DNAH11: variants seen among roughly 807,000 people sequenced by gnomAD.
DNAH11 encodes dynein axonemal heavy chain 11, also known as axonemal beta dynein heavy chain 11.
In DNAH11, 442 loss-of-function variants were observed where a neutral mutation model predicts 526.0. The observed-to-expected ratio is 0.84, with a 90% CI of 0.78 to 0.91. The LOEUF is 0.91. Among genes scored for constraint, DNAH11 ranks in the 40% least tolerant of loss-of-function variants. DNAH11 has a pLI of 0.00. For missense variants in DNAH11, 6,989 were observed against 5,448.7 expected (o/e 1.28, Z -8.90); for synonymous variants, 2,461 against 1,935.9 (o/e 1.27, Z -7.12).
Position 21,868,012 on chromosome 7 carries a change from G to T in DNAH11, c.11839+5G>T. The T allele has an allele frequency of 6.6e-7, 1 of 1,515,970 alleles. No individual in the cohort carries two copies. Among genetic ancestry groups the T allele is most frequent in the Non-Finnish European group, 8.9e-7 (1 of 1,126,930 alleles). 93.9% of individuals were successfully genotyped at this position (1,515,970 alleles called of 1,614,324 possible). A position where few individuals can be genotyped will look rare whatever the true frequency, so the allele number is the denominator to read the frequency against. ...TTAAAGACCTGGAGATTCTTGGTGAGTGGCTGGGAGGCTCGCTGGCCCGCC... is the reference window on the plus strand; with the variant it reads ...TTAAAGACCTGGAGATTCTTGGTGATTGGCTGGGAGGCTCGCTGGCCCGCC... On this transcript the variant is annotated splice_donor_5th_base_variant and intron_variant, in intron 72 of 81. Transcript: ENST00000409508.
At chr7:21,851,459 G>A (rs1449139644) in intron 66 of DNAH11, 2 of 448,314 alleles carry the variant, frequency 4.5e-6, no homozygotes, top group East Asian at 7.0e-5. Flanking sequence ...ATTAGGCACT[G>A]GCCAAGTAGT....
intron 30 of DNAH11, among the ~76,000 whole-genome samples, chr7:21,674,129 G>A (rs192816941): frequency 9.9e-4 from 150 of 151,422 alleles, no homozygotes; most frequent in African/African-American, 3.5e-3. Context: ...GCACTATCTC[G>A]GCTCACTGCA....
intron 65 of DNAH11, among the ~76,000 whole-genome samples, chr7:21,821,978 G>A (rs553381342): frequency 1.3e-5 from 2 of 151,794 alleles, no homozygotes; most frequent in African/African-American, 2.4e-5. Flanking sequence ...TTCTGTGCCT[G>A]ACTTATTTCA....
chr7:21,733,774 A>C (rs143380012), intron 45 of DNAH11, among the ~76,000 whole-genome samples: 1 of 152,314 alleles, frequency 6.6e-6, no homozygotes, highest in African/African-American at 2.4e-5. Context: ...CAGGCCCTTT[A>C]CTGAGTGCTG....
At chr7:21,819,120 A>G (rs1231417314) in intron 65 of DNAH11, among the ~76,000 whole-genome samples, 3 of 152,112 alleles carry the variant, frequency 2.0e-5, no homozygotes, top group Admixed American at 2.0e-4. Context: ...TCTTCACACA[A>G]CCGACATTCA....
chr7:21,620,323 C>T (rs1375083339), intron 25 of DNAH11, among the ~76,000 whole-genome samples: 2 of 152,078 alleles, frequency 1.3e-5, no homozygotes, highest in African/African-American at 2.4e-5. Context: ...CAATAGATCA[C>T]TAAAGCTTAT....
In DNAH11 at chr7:21,559,700, C is replaced by T; in HGVS notation, c.790C>T (p.Gln264Ter). 6.2e-7 allele frequency: 1 copy of T among 1,610,826 alleles called. No individual in the cohort carries two copies. Among genetic ancestry groups the T allele is most frequent in the Non-Finnish European group, 8.5e-7 (1 of 1,178,452 alleles). Reference protein sequence around the residue: ...IQEIIERDSVQRLLNGLHLSP... With the variant: ...IQEIIERDSV ...AGAAATTATAGAAAGAGATTCAGTG[C>T]AGCGTTTGTTGAATGGTCTTCACTT... The change falls in exon 4 of 82, where the codon CAG becomes TAG. Residue 264 changes from glutamine to a stop codon, truncating the protein, a stop_gained. Coordinates refer to ENST00000409508, the MANE Select transcript of DNAH11 (RefSeq NM_001277115.2). LOFTEE classifies it high-confidence loss of function.
intron 35 of DNAH11, among the ~76,000 whole-genome samples, chr7:21,697,481 A>G (rs1260566245): frequency 6.6e-6 from 1 of 152,186 alleles, no homozygotes; most frequent in Non-Finnish European, 1.5e-5. Context: ...TTTTGATTCA[A>G]TAAGTTGGAT....
chr7:21,849,470 A>G (rs1471611402), intron 66 of DNAH11, among the ~76,000 whole-genome samples: 1 of 152,210 alleles, frequency 6.6e-6, no homozygotes, highest in Non-Finnish European at 1.5e-5. Flanking sequence ...TCTATGAAGA[A>G]ATTTCTTTTT....
At chr7:21,548,977 G>T (rs190302744) in intron 2 of DNAH11, among the ~76,000 whole-genome samples, 1 of 151,794 alleles carries the variant, frequency 6.6e-6, no homozygotes, top group East Asian at 1.9e-4. Context: ...TGCCTCCCCA[G>T]TTCAAGCAAT....
chr7:21,558,068 T>A (rs1783291756), intron 2 of DNAH11, among the ~76,000 whole-genome samples: 1 of 152,224 alleles, frequency 6.6e-6, no homozygotes, highest in South Asian at 2.1e-4. Context: ...AATAAACATT[T>A]TCTGAGCATT....
intron 75 of DNAH11, among the ~76,000 whole-genome samples, chr7:21,883,350 G>A (rs1229257745): frequency 1.3e-5 from 2 of 152,204 alleles, no homozygotes; most frequent in Non-Finnish European, 2.9e-5. Flanking sequence ...CTAAAGTATA[G>A]CAAAGAGAGG....
chr7:21,787,745 C>G (rs1788254443), intron 60 of DNAH11, among the ~76,000 whole-genome samples, 162 bp downstream of exon 60: 1 of 152,160 alleles, frequency 6.6e-6, no homozygotes, highest in African/African-American at 2.4e-5. Flanking sequence ...AAACAATTCT[C>G]TACAGGAGGA....
intron 25 of DNAH11, among the ~76,000 whole-genome samples, chr7:21,634,934 A>G (rs958033645): frequency 5.3e-5 from 8 of 152,348 alleles, no homozygotes; most frequent in African/African-American, 1.9e-4. Context: ...TTTAATTAAA[A>G]TAGAGTTTGT....
In DNAH11 at chr7:21,901,332, A is replaced by C; in HGVS notation, c.*78A>C. The stretch of plus-strand genomic sequence containing the variant: ...GCATGTTGCTGCACTGTTCCCATGC[A>C]CATTATTCTAACTTTTTAGTAACTC... On this transcript the variant is annotated 3_prime_UTR_variant, in exon 82 of 82. Transcript: ENST00000409508. The C allele has an allele frequency of 7.0e-7, 1 of 1,420,020 alleles. No homozygotes were observed. The highest frequency in any genetic ancestry group is 2.4e-5 in the East Asian group (1 of 41,180). The allele number at this position is 1,420,020 out of a possible 1,614,324, so 88.0% of individuals were successfully genotyped here.
At chr7:21,547,161 G>C (rs1416536278) in intron 2 of DNAH11, among the ~76,000 whole-genome samples, 2 of 152,068 alleles carry the variant, frequency 1.3e-5, no homozygotes, top group Non-Finnish European at 2.9e-5. Context: ...TACATCCCAG[G>C]TCTATTTGTT....
At chr7:21,553,293 A>T (rs1055574020) in intron 2 of DNAH11, among the ~76,000 whole-genome samples, 1 of 151,946 alleles carries the variant, frequency 6.6e-6, no homozygotes, top group African/African-American at 2.4e-5. Flanking sequence ...TTGACCCAGG[A>T]TGTTAGTTTC....
At chr7:21,719,561 A>G (rs1440188268) in intron 43 of DNAH11, among the ~76,000 whole-genome samples, 1 of 152,244 alleles carries the variant, frequency 6.6e-6, no homozygotes, top group Non-Finnish European at 1.5e-5. Flanking sequence ...CTAAAAAATA[A>G]CAAAGCCTCA....
intron 20 of DNAH11, among the ~76,000 whole-genome samples, chr7:21,608,302 T>G (rs1298832457): frequency 6.6e-6 from 1 of 152,190 alleles, no homozygotes; most frequent in Non-Finnish European, 1.5e-5. Flanking sequence ...AAACTTTTAT[T>G]AGAAAAATGG....
Sources: gnomAD v4.1 joint callset for allele counts (sites outside exome capture counted in the v4.1 genomes callset) on GRCh38, gnomAD v4.1.1 for gene constraint, MANE v1.5 for transcripts, NCBI Gene and HGNC (gene_info 2026-07-23, HGNC 2026-07-21) for gene names.